Variants in CHRM2 observed in about 807,000 individuals in gnomAD.
CHRM2 encodes the protein cholinergic receptor muscarinic 2, also known as muscarinic acetylcholine receptor M2.
Under a neutral mutation model 25.0 loss-of-function variants are expected in CHRM2, and 8 were observed. That is an observed-to-expected ratio of 0.32 (90% CI 0.19 to 0.58). The LOEUF is 0.58. Among genes scored for constraint, CHRM2 ranks in the 20% least tolerant of loss-of-function variants. CHRM2 has a pLI of 0.88. For missense variants in CHRM2, 440 were observed against 567.1 expected (o/e 0.78, Z 2.28); for synonymous variants, 202 against 205.7 (o/e 0.98, Z 0.15).
rs188495435 is a variant in CHRM2 at position 136,927,031 on chromosome 7, G to A, written c.-125+57613G>A. 7.2e-5 allele frequency among the ~76,000 whole-genome samples: 10 copies of A among 138,596 alleles called. No individual in the cohort carries two copies. The East Asian group carries it at 2.0e-3, about 27-fold the overall frequency. 90.9% of individuals were successfully genotyped at this position (138,596 alleles called of 152,430 possible). On this transcript the variant is annotated intron_variant, in intron 2 of 3. Transcript: ENST00000680005. ...TCATACCTTAGAATATGCTAATAGT[G>A]TAACAGGACGTCAGCTCCTGATGTC...
chr7:136,890,491 C>T (rs376067223), intron 2 of CHRM2, among the ~76,000 whole-genome samples: 3 of 152,294 alleles, frequency 2.0e-5, no homozygotes, highest in East Asian at 3.9e-4. Flanking sequence ...AGAAAATTGC[C>T]ATGTTCTGCA....
rs1196291053 is a variant in CHRM2, at chr7:137,015,487, C to T, written c.622C>T (p.His208Tyr). Residue 208 changes from histidine to tyrosine, a missense_variant, in exon 4 of 4, where the codon CAC (histidine) becomes TAC (tyrosine). His to Tyr is a moderately conservative substitution (Grantham distance 83, BLOSUM62 2). Transcript: ENST00000680005. This position sits in a 1 kb window ranked among gnomAD's most constrained non-coding sequence, Gnocchi z 5.1. ...PVIIMTVLYW[H>Y]ISRASKSRIK... ...GATCATCATGACTGTGCTATATTGG[C>T]ACATATCCCGAGCCAGCAAGAGCAG... 5 of 1,613,240 alleles carry T rather than the reference C, an allele frequency of 3.1e-6. No homozygotes were observed. The highest frequency in any genetic ancestry group is 4.2e-6 in the Non-Finnish European group (5 of 1,179,618).
chr7:136,953,737 A>AT lies in CHRM2; in HGVS notation c.-124-38450_-124-38449insT, dbSNP rs1800553536. 3.3e-5 allele frequency among the ~76,000 whole-genome samples: 5 copies of AT among 152,190 alleles called. No individual in the cohort carries two copies. In the South Asian group the frequency reaches 6.2e-4, roughly 19 times the overall value. ...CCTATGCCTTAAAATTTAATGAAAA[A>AT]AAAAAACAAATATATTTCAGACGGA... On this transcript the variant is annotated intron_variant, in intron 2 of 3. Transcript: ENST00000680005.
intron 2 of CHRM2, among the ~76,000 whole-genome samples, chr7:136,976,374 G>A (rs910823302): frequency 1.3e-5 from 2 of 152,060 alleles, no homozygotes; most frequent in African/African-American, 4.8e-5. Context: ...AATATTAGCT[G>A]AAAGTTGGTA....
chr7:136,954,576 T>G (rs567864068), intron 2 of CHRM2, among the ~76,000 whole-genome samples: 4 of 152,350 alleles, frequency 2.6e-5, no homozygotes, highest in African/African-American at 9.6e-5. Context: ...GAACTCCCTT[T>G]CTGTTTATTT....
intron 2 of CHRM2, among the ~76,000 whole-genome samples, chr7:136,989,718 G>A (rs898440587): frequency 4.6e-5 from 7 of 151,886 alleles, no homozygotes; most frequent in Admixed American, 6.6e-5. Flanking sequence ...GGATCATTGC[G>A]TGACTTAGGT....
intron 2 of CHRM2, among the ~76,000 whole-genome samples, chr7:136,936,462 G>T (rs897287842): frequency 2.6e-5 from 4 of 152,068 alleles, no homozygotes; most frequent in African/African-American, 9.7e-5. Context: ...CACCTAAATG[G>T]TCTGTTAAAT....
At chr7:136,965,997 T>C (rs2130911414) in intron 2 of CHRM2, among the ~76,000 whole-genome samples, 1 of 152,112 alleles carries the variant, frequency 6.6e-6, no homozygotes, top group Non-Finnish European at 1.5e-5. Flanking sequence ...TAGAATATGC[T>C]ATAATATTAA....
rs398006503 is a variant in CHRM2, at chr7:136,921,794, C to CTTTTTTTTTTTTTTTTTTTTTTTTTTTT, written c.-125+52384_-125+52385insTTTTTTTTTTTTTTTTTTTTTTTTTTTT. ...TCTTTCTTTCTTTCTTTCTTTCTTT[C>CTTTTTTTTTTTTTTTTTTTTTTTTTTTT]TTTTTTTTGAGACAGATTCTCACTC... On this transcript the variant is annotated intron_variant, in intron 2 of 3. Coordinates refer to ENST00000680005, the MANE Select transcript of CHRM2 (RefSeq NM_001006630.2). 8.9e-3 allele frequency among the ~76,000 whole-genome samples: 1,035 copies of CTTTTTTTTTTTTTTTTTTTTTTTTTTTT among 116,102 alleles called. 142 individuals are homozygous for CTTTTTTTTTTTTTTTTTTTTTTTTTTTT. The highest frequency in any genetic ancestry group is 0.017 in the Non-Finnish European group (803 of 48,402). The allele number at this position is 116,102 out of a possible 152,430, so 76.2% of individuals were successfully genotyped here.
In CHRM2 at chr7:136,938,915, C is replaced by CAAAAAAA. The variant is rs56868385; in HGVS notation, c.-124-53230_-124-53224dup. ...AAAATAAAACTTCAGCTAGCTCTGC[C>CAAAAAAA]AAAAAAAAAAAAAAAAAAAAAAAAA... On this transcript the variant is annotated intron_variant, in intron 2 of 3. Transcript: ENST00000680005. 8.7e-4 allele frequency among the ~76,000 whole-genome samples: 58 copies of CAAAAAAA among 66,942 alleles called. 7 individuals are homozygous for CAAAAAAA. The highest frequency in any genetic ancestry group is 3.9e-3 in the East Asian group (3 of 778). 43.9% of individuals were successfully genotyped at this position (66,942 alleles called of 152,430 possible). A position where few individuals can be genotyped will look rare whatever the true frequency, so the allele number is the denominator to read the frequency against.
At chr7:136,977,522 TAC>T (rs755815643) in intron 2 of CHRM2, among the ~76,000 whole-genome samples, 8 of 152,304 alleles carry the variant, frequency 5.3e-5, no homozygotes, top group Admixed American at 2.0e-4. Context: ...AGAAAGCTAG[TAC>T]ACAGTTTTAG....
At chr7:136,949,670 A>G (rs1800282062) in intron 2 of CHRM2, among the ~76,000 whole-genome samples, 1 of 151,970 alleles carries the variant, frequency 6.6e-6, no homozygotes, top group African/African-American at 2.4e-5. Context: ...CTTGCTCTAT[A>G]TGAGTCAAAT....
chr7:136,903,707 T>C (rs1469414885), intron 2 of CHRM2, among the ~76,000 whole-genome samples: 1 of 151,908 alleles, frequency 6.6e-6, no homozygotes, highest in African/African-American at 2.4e-5. Flanking sequence ...ATATTTCTCA[T>C]TTTTATTTAT....
At chr7:136,903,157 C>A in intron 2 of CHRM2, 1 of 534,096 alleles carries the variant, frequency 1.9e-6, no homozygotes, top group Non-Finnish European at 3.8e-6. Flanking sequence ...GAGGATCTCC[C>A]TTCACTTTAT....
chr7:136,930,911 A>AAAAAAAAAAAAAAAC (rs1799056346), intron 2 of CHRM2, among the ~76,000 whole-genome samples: 1 of 101,644 alleles, frequency 9.8e-6, no homozygotes, highest in Non-Finnish European at 1.9e-5. Context: ...AAAAAAAAAA[A>AAAAAAAAAAAAAAAC]AAAAAAAAAA....
At chr7:136,967,114 G>A (rs1801468612) in intron 2 of CHRM2, among the ~76,000 whole-genome samples, 1 of 151,920 alleles carries the variant, frequency 6.6e-6, no homozygotes. Flanking sequence ...GAATGTCATG[G>A]ATCTTGTACA....
intron 2 of CHRM2, among the ~76,000 whole-genome samples, chr7:136,977,290 A>G (rs1304616310): frequency 1.3e-5 from 2 of 152,160 alleles, no homozygotes; most frequent in Non-Finnish European, 2.9e-5. Flanking sequence ...ATGGTACAGG[A>G]AGCTGTGGGT....
intron 2 of CHRM2, among the ~76,000 whole-genome samples, chr7:136,924,466 G>C (rs544907901): frequency 6.6e-6 from 1 of 150,528 alleles, no homozygotes; most frequent in South Asian, 2.1e-4. Context: ...GCGTTGTTTG[G>C]TTTTTTGTCT....
Position 137,016,428 on chromosome 7 carries a change from T to C in CHRM2, c.*162T>C, listed in dbSNP as rs1287655033. On this transcript the variant is annotated 3_prime_UTR_variant, in exon 4 of 4. Transcript: ENST00000680005. ...AGTGACACACTTATCACGCCTAGGC[T>C]CCAGTTTGCAAAAATTGCACCTTAT... 3.7e-5 allele frequency: 27 copies of C among 734,236 alleles called. No individual in the cohort carries two copies. 45.5% of individuals were successfully genotyped at this position (734,236 alleles called of 1,614,324 possible). A position where few individuals can be genotyped will look rare whatever the true frequency, so the allele number is the denominator to read the frequency against.
Sources: gnomAD v4.1 joint callset for allele counts (sites outside exome capture counted in the v4.1 genomes callset) on GRCh38, gnomAD v4.1.1 for gene constraint, Gnocchi (gnomAD v3.1) non-coding constraint, MANE v1.5 for transcripts, NCBI Gene and HGNC (gene_info 2026-07-23, HGNC 2026-07-21) for gene names.